Variants in AKAP7 observed in about 807,000 individuals in gnomAD.
AKAP7 encodes A kinase (PRKA) anchor protein 7.
In AKAP7, 39 loss-of-function variants were observed where a neutral mutation model predicts 39.5. The ratio of observed to expected loss-of-function variants is 0.99; its 90% CI spans 0.76 to 1.29. AKAP7 has a LOEUF of 1.29. Ranked by LOEUF, AKAP7 falls within the 50% of genes most tolerant of loss-of-function variation. The probability of loss-of-function intolerance (pLI) is 0.00; values close to 1 mark genes in which losing one functional copy is unlikely to be tolerated. For missense variants in AKAP7, 414 were observed against 407.7 expected, an observed-to-expected ratio of 1.02 and a Z score of -0.13; for synonymous variants, 140 against 139.1, an observed-to-expected ratio of 1.01 and a Z score of -0.05.
intron 7 of AKAP7, among the ~76,000 whole-genome samples, chr6:131,256,619 G>A (rs1051017832): frequency 6.7e-6 from 1 of 150,040 alleles, no homozygotes; most frequent in Admixed American, 6.7e-5. Context: ...CTTCCTGGGG[G>A]GCCATGAAAG....
At chr6:131,187,178 G>C (rs1805949569) in intron 5 of AKAP7, among the ~76,000 whole-genome samples, 1 of 151,978 alleles carries the variant, frequency 6.6e-6, no homozygotes, top group Admixed American at 6.6e-5. Context: ...GATTTTGATA[G>C]GGTTACATTA....
chr6:131,130,010 C>T, the AKAP7 span, among the ~76,000 whole-genome samples: 25 of 152,176 alleles, frequency 1.6e-4, no homozygotes, highest in African/African-American at 6.0e-4. Flanking sequence ...GAAGAGAGAA[C>T]TCACCATAAA....
intron 5 of AKAP7, among the ~76,000 whole-genome samples, chr6:131,185,718 T>C (rs1312615689): frequency 6.6e-6 from 1 of 152,360 alleles, no homozygotes; most frequent in African/African-American, 2.4e-5. Flanking sequence ...ATTCTGAATG[T>C]TAATCTCTTA....
chr6:131,247,269 G>GCATATA (rs1812075873), intron 7 of AKAP7, among the ~76,000 whole-genome samples: 1 of 91,928 alleles, frequency 1.1e-5, no homozygotes, highest in South Asian at 3.9e-4. Flanking sequence ...CATTTCATAT[G>GCATATA]TATATATATA....
At position 131,245,859 on chromosome 6, in the gene AKAP7, C is replaced by T. The variant is rs190539361; in HGVS notation, c.850+26051C>T. Among the ~76,000 whole-genome samples, 56 of 152,130 alleles carry T rather than the reference C, an allele frequency of 3.7e-4. No homozygotes were observed. In the East Asian group the frequency reaches 0.011, roughly 29 times the overall value. ...GCTTCATCATTTAATGTCCTCTTTT[C>T]TCTCCTCTCTTTTGAATACAAGATA... On this transcript the variant is annotated intron_variant, in intron 7 of 7. Coordinates refer to ENST00000431975, the MANE Select transcript of AKAP7 (RefSeq NM_016377.4).
chr6:131,235,405 A>G (rs1810965813), intron 7 of AKAP7, among the ~76,000 whole-genome samples: 2 of 152,174 alleles, frequency 1.3e-5, no homozygotes, highest in African/African-American at 4.8e-5. Flanking sequence ...ATGTTTTATA[A>G]TCCTTTGGGT....
rs76934884 is a variant in AKAP7 at position 131,199,708 on chromosome 6, A to G, written c.702+135A>G. The G allele has an allele frequency of 6.5e-3, 4,860 of 744,416 alleles. 30 individuals carry two copies. Among genetic ancestry groups the G allele is most frequent in the Non-Finnish European group, 8.8e-3 (3,876 of 440,932 alleles). 46.1% of individuals were successfully genotyped at this position (744,416 alleles called of 1,614,324 possible). ...GGGTTTCCAAGTCAGGTTGGTTCCA[A>G]TTCCCAGGGGTGCTGAGGATGCTCC... is the stretch of plus-strand genomic sequence containing the variant. On this transcript the variant is annotated intron_variant, in intron 6 of 7. Coordinates refer to ENST00000431975, the MANE Select transcript of AKAP7 (RefSeq NM_016377.4).
intron 1 of AKAP7, among the ~76,000 whole-genome samples, chr6:131,144,370 A>G (rs1403611476): frequency 1.3e-5 from 2 of 152,228 alleles, no homozygotes; most frequent in Admixed American, 6.5e-5. Flanking sequence ...CAGGTATTGT[A>G]TCTGAAAATA....
chr6:131,280,538 C>T (rs928967301), intron 7 of AKAP7, among the ~76,000 whole-genome samples: 15 of 152,224 alleles, frequency 9.9e-5, no homozygotes, highest in Non-Finnish European at 1.5e-4. Flanking sequence ...AAGTGCAACA[C>T]TCACTGGCTT....
intron 2 of AKAP7, among the ~76,000 whole-genome samples, chr6:131,156,249 T>C (rs1033918066): frequency 1.3e-5 from 2 of 152,166 alleles, no homozygotes; most frequent in African/African-American, 4.8e-5. Flanking sequence ...AGGGGATGGA[T>C]GCTAGGAACT....
At position 131,201,243 on chromosome 6, in the gene AKAP7, G is replaced by A. The variant is rs1044451153; in HGVS notation, c.702+1670G>A. On this transcript the variant is annotated intron_variant, in intron 6 of 7. Coordinates refer to ENST00000431975, the MANE Select transcript of AKAP7 (RefSeq NM_016377.4). Reference sequence around the variant, plus strand: ...CCAGTTCACGCAGAGTCATTTCTACGTGTAAGGAGCTCCCTGTTCCAAATC... The same window carrying A: ...CCAGTTCACGCAGAGTCATTTCTACATGTAAGGAGCTCCCTGTTCCAAATC... Among the ~76,000 whole-genome samples the A allele has an allele frequency of 7.9e-5, 12 of 152,176 alleles. No homozygotes were observed. The South Asian group carries it at 1.0e-3, about 13-fold the overall frequency.
intron 7 of AKAP7, among the ~76,000 whole-genome samples, chr6:131,266,389 A>AT (rs1393758310): frequency 6.6e-6 from 1 of 152,186 alleles, no homozygotes; most frequent in Non-Finnish European, 1.5e-5. Context: ...ATGTCAACTG[A>AT]TGGGTCAAAT....
intron 5 of AKAP7, chr6:131,184,513 A>G: frequency 1.4e-6 from 1 of 694,758 alleles, no homozygotes; most frequent in Non-Finnish European, 2.7e-6. Flanking sequence ...AGATATCGCA[A>G]CATTTGTGCT....
chr6:131,268,895 ATT>A (rs1814037619), intron 7 of AKAP7, among the ~76,000 whole-genome samples: 1 of 152,040 alleles, frequency 6.6e-6, no homozygotes, highest in Non-Finnish European at 1.5e-5. Context: ...TCATTTTCTG[ATT>A]TCTTTGTTTT....
intron 7 of AKAP7, among the ~76,000 whole-genome samples, chr6:131,276,780 T>TTTTC (rs1814778113): frequency 6.6e-6 from 1 of 152,134 alleles, no homozygotes; most frequent in Admixed American, 6.5e-5. Flanking sequence ...TAATGAAGAT[T>TTTTC]TTTCTTTGTT....
intron 6 of AKAP7, among the ~76,000 whole-genome samples, chr6:131,200,668 T>C (rs1305601645): frequency 6.6e-6 from 1 of 152,168 alleles, no homozygotes; most frequent in Non-Finnish European, 1.5e-5. Context: ...GTTTTTTGGA[T>C]TACATTGCCA....
At chr6:131,220,123 C>T (rs1272168557) in intron 7 of AKAP7, among the ~76,000 whole-genome samples, 1 of 152,082 alleles carries the variant, frequency 6.6e-6, no homozygotes, top group Non-Finnish European at 1.5e-5. Context: ...ACATTTTCTC[C>T]AGGGAAGGCC....
chr6:131,262,803 A>G (rs1476794008), intron 7 of AKAP7, among the ~76,000 whole-genome samples: 1 of 152,196 alleles, frequency 6.6e-6, no homozygotes, highest in Non-Finnish European at 1.5e-5. Context: ...CTGCAATGTT[A>G]TAGTATTTTT....
At chr6:131,185,274 G>A in intron 5 of AKAP7, 2 of 469,558 alleles carry the variant, frequency 4.3e-6, no homozygotes, top group Admixed American at 3.0e-5. Flanking sequence ...GGCAGGGTAC[G>A]AGTAGTTGTC....
Sources: gnomAD v4.1 joint callset for allele counts (sites outside exome capture counted in the v4.1 genomes callset) on GRCh38, gnomAD v4.1.1 for gene constraint, MANE v1.5 for transcripts, NCBI Gene and HGNC (gene_info 2026-07-23, HGNC 2026-07-21) for gene names.